The following MAGI1 variants were observed in gnomAD, a reference collection of about 807,000 sequenced individuals.
MAGI1 encodes the protein membrane-associated guanylate kinase, WW and PDZ domain-containing protein 1.
A neutral mutation model predicts 139.9 loss-of-function variants in MAGI1; 58 were observed. That is an observed-to-expected ratio of 0.41 (90% CI 0.34 to 0.52). The LOEUF is 0.52. Ranked by LOEUF, MAGI1 falls within the 20% of genes least tolerant of loss-of-function variation. MAGI1 has a pLI of 0.12. For missense variants in MAGI1, 1,874 were observed against 1,901.6 expected (o/e 0.99, Z 0.27); for synonymous variants, 812 against 737.9 (o/e 1.10, Z -1.63).
At position 65,489,534 on chromosome 3, in the gene MAGI1, C is replaced by T. The variant is rs556813053; in HGVS notation, c.550+3978G>A. Among the ~76,000 whole-genome samples, 9 of 151,942 alleles carry T rather than the reference C, an allele frequency of 5.9e-5. 1 individual carries two copies. The South Asian group carries it at 1.9e-3, about 32-fold the overall frequency. ...GTGAGGCAGGGGACATTTAAAATGT[C>T]CATCTGCAGGGGGCTGGTTAAATAA... On this transcript the variant is annotated intron_variant, in intron 3 of 22. Coordinates refer to ENST00000402939, the MANE Select transcript of MAGI1 (RefSeq NM_001033057.2).
chr3:65,764,603 C>G (rs559507017), intron 1 of MAGI1, among the ~76,000 whole-genome samples: 3 of 152,198 alleles, frequency 2.0e-5, no homozygotes, highest in Admixed American at 6.5e-5. Flanking sequence ...TTGGAAAGAT[C>G]ACCTCACTCT....
chr3:65,919,372 G>C (rs1030818600), intron 1 of MAGI1, among the ~76,000 whole-genome samples: 1 of 152,062 alleles, frequency 6.6e-6, no homozygotes, highest in African/African-American at 2.4e-5. Context: ...AGACCAGCCT[G>C]GGCAACACAG....
chr3:65,943,122 T>G (rs764868479), intron 1 of MAGI1, among the ~76,000 whole-genome samples: 1 of 152,224 alleles, frequency 6.6e-6, no homozygotes, highest in East Asian at 1.9e-4. Flanking sequence ...CTCTTGTTAT[T>G]TGATGGAGAA....
intron 1 of MAGI1, among the ~76,000 whole-genome samples, chr3:65,849,279 T>A (rs1342199940): frequency 6.6e-6 from 1 of 151,100 alleles, no homozygotes; most frequent in Non-Finnish European, 1.5e-5. Flanking sequence ...CCCGCCTCAG[T>A]CTCCCAAAGT....
At chr3:66,009,823 T>C (rs567432621) in intron 1 of MAGI1, among the ~76,000 whole-genome samples, 1 of 152,054 alleles carries the variant, frequency 6.6e-6, no homozygotes, top group East Asian at 1.9e-4. Context: ...TCCCAGCACT[T>C]TGGGAGGCCG....
At chr3:65,386,705 A>G (rs1943471983) in intron 14 of MAGI1, among the ~76,000 whole-genome samples, 1 of 152,154 alleles carries the variant, frequency 6.6e-6, no homozygotes, top group Non-Finnish European at 1.5e-5. Context: ...TATTAATATC[A>G]CTTTTTTTGA....
chr3:65,469,670 T>C (rs1238673683), intron 5 of MAGI1: 2 of 151,996 alleles, frequency 1.3e-5, no homozygotes, highest in East Asian at 3.9e-4. Flanking sequence ...TAGGCAAAGA[T>C]TTCCTAGCTA....
intron 1 of MAGI1, among the ~76,000 whole-genome samples, chr3:65,861,338 C>A (rs950973378): frequency 6.6e-6 from 1 of 152,164 alleles, no homozygotes; most frequent in Non-Finnish European, 1.5e-5. Context: ...CACCACCCCA[C>A]CCAAAGTTTC....
intron 2 of MAGI1, among the ~76,000 whole-genome samples, chr3:65,547,705 G>C (rs753583717): frequency 1.3e-5 from 2 of 152,150 alleles, no homozygotes; most frequent in African/African-American, 2.4e-5. Flanking sequence ...TAGTGGGAAT[G>C]ATATTCTTGG....
intron 1 of MAGI1, among the ~76,000 whole-genome samples, chr3:65,671,752 C>G (rs2086870172): frequency 1.3e-5 from 2 of 152,228 alleles, no homozygotes; most frequent in African/African-American, 4.8e-5. Flanking sequence ...GTGTGTCAAA[C>G]CTTTCCATGG....
At chr3:65,499,369 G>A (rs77430728) in intron 2 of MAGI1, among the ~76,000 whole-genome samples, 49 of 152,316 alleles carry the variant, frequency 3.2e-4, no homozygotes, top group African/African-American at 1.2e-3. Flanking sequence ...GGTTAAATTG[G>A]CCAGGTGCAG....
chr3:65,950,067 C>CAAAAAAAAACAAAAAAAAAAA (rs2063733550), intron 1 of MAGI1, among the ~76,000 whole-genome samples: 6 of 76,716 alleles, frequency 7.8e-5, no homozygotes, highest in African/African-American at 1.7e-4. Flanking sequence ...AACAAAAAAA[C>CAAAAAAAAACAAAAAAAAAAA]AAAAAAAAAA....
intron 1 of MAGI1, among the ~76,000 whole-genome samples, chr3:65,734,416 T>C (rs141279421): frequency 1.0e-3 from 149 of 144,274 alleles, no homozygotes; most frequent in African/African-American, 3.9e-3. Context: ...GCCGTGATCA[T>C]GCCACAGCAC....
At chr3:65,398,197 T>A in intron 13 of MAGI1, among the ~76,000 whole-genome samples, 1 of 152,068 alleles carries the variant, frequency 6.6e-6, no homozygotes, top group Non-Finnish European at 1.5e-5. Flanking sequence ...GATGAATATG[T>A]AGGTGGAGCA....
intron 1 of MAGI1, among the ~76,000 whole-genome samples, chr3:65,950,059 C>CAAAAAAAA (rs1264298678): frequency 7.4e-5 from 1 of 13,462 alleles, no homozygotes; most frequent in Non-Finnish European, 1.4e-4. Flanking sequence ...AAAAAAAAAA[C>CAAAAAAAA]AAAAAAACAA....
chr3:65,587,237 C>A (rs2081727467), intron 2 of MAGI1, among the ~76,000 whole-genome samples: 1 of 152,180 alleles, frequency 6.6e-6, no homozygotes, highest in Non-Finnish European at 1.5e-5. Context: ...ACCTAACCTA[C>A]TGAACATCAT....
rs189484510 is a variant in MAGI1 at position 65,876,106 on chromosome 3, G to A, written c.313+161890C>T. ...GAGAGTTTAGGGAAGAATTAGAGAT[G>A]AGGATGAAGAAAATTAAGCAAAAAA... On this transcript the variant is annotated intron_variant, in intron 1 of 22. Transcript: ENST00000402939. Among the ~76,000 whole-genome samples the A allele has an allele frequency of 7.2e-3, 1,089 of 150,358 alleles. 45 individuals are homozygous for A. The highest frequency in any genetic ancestry group is 0.062 in the Admixed American group (929 of 15,098).
At chr3:65,922,980 G>A (rs1021383520) in intron 1 of MAGI1, among the ~76,000 whole-genome samples, 5 of 152,108 alleles carry the variant, frequency 3.3e-5, no homozygotes, top group African/African-American at 1.2e-4. Flanking sequence ...TGGCTATGCT[G>A]AACATAAGAG....
intron 9 of MAGI1, among the ~76,000 whole-genome samples, chr3:65,438,372 C>T (rs1575744304): frequency 6.6e-6 from 1 of 151,976 alleles, no homozygotes; most frequent in Non-Finnish European, 1.5e-5. Context: ...CATGGCAACT[C>T]GGAAGGGTTG....
Sources: allele counts gnomAD v4.1 joint callset (sites outside exome capture counted in the v4.1 genomes callset), GRCh38; gene constraint gnomAD v4.1.1; transcripts MANE v1.5; gene names NCBI Gene and HGNC (gene_info 2026-07-23, HGNC 2026-07-21).